Variants in BRD10 observed in about 807,000 individuals in gnomAD.
The protein encoded by BRD10 is bromodomain containing 10.
the BRD10 span, among the ~76,000 whole-genome samples, chr9:5,960,345 T>C: frequency 6.6e-6 from 1 of 152,136 alleles, no homozygotes. Context: ...GCCGATCACC[T>C]GAGGTCAGGA....
At chr9:5,978,392 TAAA>T in the BRD10 span, among the ~76,000 whole-genome samples, 6 of 84,478 alleles carry the variant, frequency 7.1e-5, no homozygotes, top group Admixed American at 2.7e-4. Context: ...TGCAATTTAG[TAAA>T]AAAAAAAAAA....
the BRD10 span, among the ~76,000 whole-genome samples, chr9:5,981,855 A>C: frequency 6.6e-6 from 1 of 152,188 alleles, no homozygotes; most frequent in Admixed American, 6.5e-5. Flanking sequence ...GTTCAACATG[A>C]ATAAAGCTCA....
At chr9:5,936,571 C>G in the BRD10 span, among the ~76,000 whole-genome samples, 1 of 152,130 alleles carries the variant, frequency 6.6e-6, no homozygotes, top group Non-Finnish European at 1.5e-5. Flanking sequence ...CTGCTGGATT[C>G]TGGGTTAATT....
chr9:5,944,198 CT>C, the BRD10 span, among the ~76,000 whole-genome samples: 1 of 152,116 alleles, frequency 6.6e-6, no homozygotes, highest in South Asian at 2.1e-4. Flanking sequence ...TGTTTAAAAT[CT>C]GTGCATAGCC....
the BRD10 span, among the ~76,000 whole-genome samples, chr9:5,925,940 C>T: frequency 5.9e-5 from 9 of 152,066 alleles, no homozygotes; most frequent in South Asian, 1.9e-3. Context: ...TCCTTTCCTC[C>T]TTCGTCTTGC....
At chr9:5,898,525 T>C in the BRD10 span, among the ~76,000 whole-genome samples, 4 of 152,174 alleles carry the variant, frequency 2.6e-5, no homozygotes, top group Non-Finnish European at 4.4e-5. Context: ...GGGGGACACA[T>C]TCAAACTATA....
chr9:5,882,210 C>G, the BRD10 span, among the ~76,000 whole-genome samples: 1 of 152,150 alleles, frequency 6.6e-6, no homozygotes, highest in Non-Finnish European at 1.5e-5. Context: ...TAGAGGGCAT[C>G]TCTGTCTTTG....
the BRD10 span, chr9:5,920,976 C>T: frequency 6.2e-7 from 1 of 1,613,938 alleles, no homozygotes; most frequent in African/African-American, 1.3e-5. Flanking sequence ...TGTGCCCCAG[C>T]TGAAGCAGAG....
the BRD10 span, chr9:5,920,178 C>A: frequency 3.5e-5 from 56 of 1,613,802 alleles, no homozygotes; most frequent in Middle Eastern, 1.6e-4. Context: ...ATCTTCTGGG[C>A]AGAGTTATCT....
At chr9:5,921,573 G>C in the BRD10 span, 4 of 1,613,902 alleles carry the variant, frequency 2.5e-6, no homozygotes, top group Non-Finnish European at 3.4e-6. Context: ...GCTGATACCA[G>C]CATAAGTTTC....
the BRD10 span, among the ~76,000 whole-genome samples, chr9:5,893,058 G>A: frequency 6.6e-6 from 1 of 152,136 alleles, no homozygotes; most frequent in Non-Finnish European, 1.5e-5. Context: ...AAGACATTGG[G>A]TTTTATGAGT....
chr9:5,983,248 G>A, the BRD10 span, among the ~76,000 whole-genome samples: 1 of 152,118 alleles, frequency 6.6e-6, no homozygotes, highest in African/African-American at 2.4e-5. Context: ...GCTATTGTAG[G>A]GCTGAACTGG....
At chr9:5,896,079 T>C in the BRD10 span, among the ~76,000 whole-genome samples, 2 of 152,190 alleles carry the variant, frequency 1.3e-5, no homozygotes, top group Non-Finnish European at 1.5e-5. Flanking sequence ...CTGGGAGACC[T>C]GGATCTGGCC....
the BRD10 span, chr9:5,919,250 T>G: frequency 2.0e-3 from 292 of 147,710 alleles, 7 homozygotes; most frequent in East Asian, 0.042. Flanking sequence ...TATATATGTA[T>G]TTTTTTTTTT....
chr9:5,914,573 A>G, the BRD10 span, among the ~76,000 whole-genome samples: 1 of 151,414 alleles, frequency 6.6e-6, no homozygotes, highest in African/African-American at 2.4e-5. Context: ...ATAGGCACCC[A>G]CCACCACGCT....
At chr9:5,930,176 TTTTC>T in the BRD10 span, among the ~76,000 whole-genome samples, 34,608 of 149,986 alleles carry the variant, frequency 0.23, 4,120 homozygotes, top group South Asian at 0.33. Flanking sequence ...AATCCACATG[TTTTC>T]TTTCTAACAA....
chr9:5,992,714 CCCTTT>C, the BRD10 span, among the ~76,000 whole-genome samples: 1 of 41,944 alleles, frequency 2.4e-5, no homozygotes, highest in African/African-American at 4.0e-5. Flanking sequence ...TTCTTTCTCC[CCCTTT>C]TTTTTTTTTT....
At chr9:5,949,682 G>C in the BRD10 span, among the ~76,000 whole-genome samples, 1 of 152,118 alleles carries the variant, frequency 6.6e-6, no homozygotes, top group East Asian at 1.9e-4. Context: ...AGCAGACTTA[G>C]GGTAACTAAG....
the BRD10 span, among the ~76,000 whole-genome samples, chr9:5,994,159 T>C: frequency 1.3e-5 from 2 of 152,336 alleles, no homozygotes; most frequent in Admixed American, 6.5e-5. Context: ...CAAAAACTTT[T>C]TATACCATCA....
Sources: allele counts gnomAD v4.1 joint callset (sites outside exome capture counted in the v4.1 genomes callset), GRCh38; gene constraint gnomAD v4.1.1; transcripts MANE v1.5; gene names NCBI Gene and HGNC (gene_info 2026-07-23, HGNC 2026-07-21).